Variants in MAML2 observed in about 807,000 individuals in gnomAD.
MAML2 encodes the protein mastermind like transcriptional coactivator 2, also known as mastermind-like protein 2.
In MAML2, 22 loss-of-function variants were observed where a neutral mutation model predicts 96.1. That is an observed-to-expected ratio of 0.23 (90% confidence interval 0.16 to 0.33). The LOEUF (loss-of-function observed/expected upper bound fraction) is 0.33. Ranked by LOEUF, MAML2 falls within the 10% of genes least tolerant of loss-of-function variation. The probability of loss-of-function intolerance (pLI) is 1.00; values close to 1 mark genes in which losing one functional copy is unlikely to be tolerated. For missense variants in MAML2, 1,367 were observed against 1,392.4 expected (o/e 0.98, Z 0.29); for synonymous variants, 561 against 521.3 (o/e 1.08, Z -1.04).
intron 1 of MAML2, among the ~76,000 whole-genome samples, chr11:96,325,515 A>G (rs1037690246): frequency 6.6e-6 from 1 of 152,200 alleles, no homozygotes; most frequent in African/African-American, 2.4e-5. Context: ...CAGTGATAGC[A>G]TAAGGTTTCT....
chr11:96,048,460 A>T (rs1858940979), intron 2 of MAML2, among the ~76,000 whole-genome samples: 1 of 152,188 alleles, frequency 6.6e-6, no homozygotes, highest in Non-Finnish European at 1.5e-5. Context: ...TATACAACTA[A>T]TTTTTTGCAC....
chr11:96,337,588 C>T (rs987500939), intron 1 of MAML2, among the ~76,000 whole-genome samples: 5 of 152,166 alleles, frequency 3.3e-5, no homozygotes, highest in Non-Finnish European at 5.9e-5. Context: ...CATAGCATTG[C>T]ACTAGGATTT....
At chr11:95,980,158 T>C (rs982758182) in intron 4 of MAML2, among the ~76,000 whole-genome samples, 195 bp from the exon 5 acceptor site, 6 of 152,162 alleles carry the variant, frequency 3.9e-5, no homozygotes, top group Non-Finnish European at 7.3e-5. Context: ...ACTTTTTGGT[T>C]CAGAAGTTTA....
chr11:96,263,098 T>C (rs1591102867), intron 1 of MAML2, among the ~76,000 whole-genome samples: 2 of 152,386 alleles, frequency 1.3e-5, no homozygotes, highest in Non-Finnish European at 2.9e-5. Context: ...GTAATATCTA[T>C]ATAAACAATG....
chr11:96,196,144 C>T (rs999599298), intron 1 of MAML2, among the ~76,000 whole-genome samples: 1 of 152,108 alleles, frequency 6.6e-6, no homozygotes, highest in South Asian at 2.1e-4. Context: ...GTAAAAGTGA[C>T]TATTGTTAAT....
chr11:96,039,802 A>T, intron 2 of MAML2, among the ~76,000 whole-genome samples: 1 of 151,970 alleles, frequency 6.6e-6, no homozygotes, highest in East Asian at 1.9e-4. Context: ...CTCTCAAAAT[A>T]CAAAAATTAG....
rs563786887 is a variant in MAML2 at position 95,985,609 on chromosome 11, G to C, written c.2377C>G (p.His793Asp). 6.2e-7 allele frequency: 1 copy of C among 1,612,406 alleles called. No homozygotes were observed. The highest frequency in any genetic ancestry group is 1.1e-5 in the South Asian group (1 of 90,864). ...KIAPQDQINR[H>D]LSRPPPDYKD... ...TAATCTGGAGGTGGCCTTGACAAAT[G>C]TCGGTTTATCTGATCTTGTGGAGCA... The change falls in exon 4 of 5, where the codon CAT (histidine) becomes GAT (aspartate). Residue 793 changes from histidine to aspartate, a missense_variant. Transcript: ENST00000524717.
chr11:96,084,561 C>T (rs1273730644), intron 2 of MAML2, among the ~76,000 whole-genome samples: 1 of 152,188 alleles, frequency 6.6e-6, no homozygotes, highest in East Asian at 1.9e-4. Context: ...CCAATAATAA[C>T]TCCAGCGGCT....
intron 2 of MAML2, among the ~76,000 whole-genome samples, chr11:96,082,666 A>G (rs531752442): frequency 6.6e-6 from 1 of 152,356 alleles, no homozygotes; most frequent in South Asian, 2.1e-4. Context: ...CTAGAACGCC[A>G]GTTACTGGCC....
At chr11:96,107,449 T>C (rs963890005) in intron 1 of MAML2, among the ~76,000 whole-genome samples, 2 of 152,234 alleles carry the variant, frequency 1.3e-5, no homozygotes, top group African/African-American at 4.8e-5. Flanking sequence ...CAATAATAAA[T>C]GTTTAATAAA....
intron 2 of MAML2, among the ~76,000 whole-genome samples, chr11:96,075,189 T>C (rs192378551): frequency 7.2e-5 from 11 of 152,332 alleles, no homozygotes; most frequent in Admixed American, 4.6e-4. Flanking sequence ...TGACATAATA[T>C]TCCCCCAAGT....
intron 1 of MAML2, among the ~76,000 whole-genome samples, chr11:96,252,047 A>C (rs992058599): frequency 6.6e-6 from 1 of 152,082 alleles, no homozygotes; most frequent in African/African-American, 2.4e-5. Context: ...AAACCCTTTC[A>C]ACACCAGACG....
chr11:96,210,869 A>G (rs1861961756), intron 1 of MAML2, among the ~76,000 whole-genome samples: 1 of 152,218 alleles, frequency 6.6e-6, no homozygotes, highest in Non-Finnish European at 1.5e-5. Flanking sequence ...TTTACTCTAT[A>G]GCATATGTGA....
intron 2 of MAML2, among the ~76,000 whole-genome samples, chr11:96,018,817 G>T (rs1858394140): frequency 6.6e-6 from 1 of 152,144 alleles, no homozygotes; most frequent in African/African-American, 2.4e-5. Flanking sequence ...TTGAACTCCT[G>T]ACCTCAAGTG....
At chr11:96,299,747 G>T (rs1863360346) in intron 1 of MAML2, among the ~76,000 whole-genome samples, 2 of 152,192 alleles carry the variant, frequency 1.3e-5, no homozygotes, top group African/African-American at 4.8e-5. Flanking sequence ...GAAGTGCCCT[G>T]CTGCTTAGCA....
intron 2 of MAML2, among the ~76,000 whole-genome samples, chr11:96,010,273 A>C (rs1288822709): frequency 6.6e-6 from 1 of 152,216 alleles, no homozygotes; most frequent in East Asian, 1.9e-4. Context: ...CACTGTGACT[A>C]TTTCTAAGAA....
chr11:96,048,942 T>C (rs555057112), intron 2 of MAML2, among the ~76,000 whole-genome samples: 1 of 152,212 alleles, frequency 6.6e-6, no homozygotes, highest in Non-Finnish European at 1.5e-5. Context: ...TTTAGTTTAA[T>C]TTTTCTTCTT....
chr11:96,341,979 G>A lies in MAML2; in HGVS notation c.-84C>T, dbSNP rs1864002955. ...GGCTATTGCAGGCAAGTCTGTTTTT[G>A]ACAATGTGAGCTCAGTGTTCAGGGC... On this transcript the variant is annotated 5_prime_UTR_variant, in exon 1 of 5. Coordinates refer to ENST00000524717, the MANE Select transcript of MAML2 (RefSeq NM_032427.4). 3.0e-6 allele frequency: 4 copies of A among 1,339,674 alleles called. No homozygotes were observed. The African/African-American group carries it at 5.9e-5, about 20-fold the overall frequency. The allele number at this position is 1,339,674 out of a possible 1,614,324, so 83.0% of individuals were successfully genotyped here.
rs1272271901 is a variant in MAML2 at position 96,240,346 on chromosome 11, C to T, written c.513+101037G>A. On this transcript the variant is annotated intron_variant, in intron 1 of 4. Transcript: ENST00000524717. ...CGGGTGGATCACGAGGTCAGGAGAT[C>T]GAGACCATCCTGGCTAACAAGGTGA... 5.3e-5 allele frequency among the ~76,000 whole-genome samples: 8 copies of T among 151,710 alleles called. No homozygotes were observed. The East Asian group carries it at 1.4e-3, about 26-fold the overall frequency.
Sources: allele counts gnomAD v4.1 joint callset (sites outside exome capture counted in the v4.1 genomes callset), GRCh38; gene constraint gnomAD v4.1.1; transcripts MANE v1.5; gene names NCBI Gene and HGNC (gene_info 2026-07-23, HGNC 2026-07-21).